Variants in SPOCK3 observed in about 807,000 individuals in gnomAD.
The protein encoded by SPOCK3 is SPARC (osteonectin), cwcv and kazal like domains proteoglycan 3.
SPOCK3 carries 30 observed loss-of-function variants against 56.6 expected under a neutral mutation model. The ratio of observed to expected loss-of-function variants is 0.53; its 90% CI spans 0.40 to 0.72. The LOEUF (loss-of-function observed/expected upper bound fraction) is 0.72. SPOCK3 is among the 30% of genes least tolerant of loss of function. The pLI is 0.00. For missense variants in SPOCK3, 527 were observed against 530.0 expected (o/e 0.99, Z 0.06); for synonymous variants, 196 against 183.3 (o/e 1.07, Z -0.56).
At chr4:167,182,557 TC>T (rs1157075496) in intron 2 of SPOCK3, among the ~76,000 whole-genome samples, 12 of 152,092 alleles carry the variant, frequency 7.9e-5, no homozygotes, top group Admixed American at 5.9e-4. Context: ...TTTTTTTTTT[TC>T]AAGACAAGTC....
rs141153699 is a variant in SPOCK3, at chr4:166,902,430, C to A, written c.474+10190G>T. Among the ~76,000 whole-genome samples, 368 of 152,098 alleles carry A rather than the reference C, an allele frequency of 2.4e-3. 2 individuals are homozygous for A. Among genetic ancestry groups the A allele is most frequent in the African/African-American group, 8.2e-3 (340 of 41,538 alleles). On this transcript the variant is annotated intron_variant, in intron 5 of 10. Transcript: ENST00000357545. The stretch of plus-strand genomic sequence containing the variant: ...GAAAGTTCTCAACTAAAATTCTCAA[C>A]TAAATTCTCTTCTAATATTTTCTCT...
intron 5 of SPOCK3, among the ~76,000 whole-genome samples, chr4:166,903,653 G>T (rs184439343): frequency 0.026 from 3,964 of 151,964 alleles, 159 homozygotes; most frequent in African/African-American, 0.08. Context: ...ATTGACAGGT[G>T]TTTTGTTTTT....
intron 6 of SPOCK3, among the ~76,000 whole-genome samples, chr4:166,875,966 G>A (rs999985286): frequency 5.8e-5 from 5 of 86,490 alleles, no homozygotes; most frequent in East Asian, 3.6e-4. Context: ...GCCCCCTCAA[G>A]TCACACAGAA....
At chr4:167,205,313 ATTTTATAT>A (rs1734009492) in intron 2 of SPOCK3, among the ~76,000 whole-genome samples, 1 of 50,162 alleles carries the variant, frequency 2.0e-5, no homozygotes. Flanking sequence ...TATATTATAT[ATTTTATAT>A]ATATAATATA....
chr4:167,053,815 G>C (rs13139476), intron 3 of SPOCK3, among the ~76,000 whole-genome samples: 3,806 of 152,222 alleles, frequency 0.025, 79 homozygotes, highest in Middle Eastern at 0.061. Context: ...TGAAACCACT[G>C]AGAAAAGACA....
chr4:166,768,908 G>T (rs567028437), intron 7 of SPOCK3, among the ~76,000 whole-genome samples: 1 of 151,988 alleles, frequency 6.6e-6, no homozygotes, highest in South Asian at 2.1e-4. Context: ...TTTTCTCCAA[G>T]CTTCTCTTCT....
intron 7 of SPOCK3, among the ~76,000 whole-genome samples, chr4:166,783,806 G>A (rs1740434639): frequency 6.6e-6 from 1 of 151,998 alleles, no homozygotes; most frequent in South Asian, 2.1e-4. Flanking sequence ...CACCTATTTT[G>A]CAAACATTCA....
chr4:166,955,320 A>G (rs1461136688), intron 4 of SPOCK3, among the ~76,000 whole-genome samples: 6 of 151,266 alleles, frequency 4.0e-5, no homozygotes, highest in African/African-American at 1.4e-4. Flanking sequence ...CTGCTATATT[A>G]CTAATTTGCC....
chr4:167,007,594 G>T (rs1579977513), intron 3 of SPOCK3, among the ~76,000 whole-genome samples: 1 of 152,084 alleles, frequency 6.6e-6, no homozygotes, highest in East Asian at 1.9e-4. Flanking sequence ...TGGCTGCAAA[G>T]AAGTCAGTCA....
Position 166,742,234 on chromosome 4 carries a change from C to CATCTATCTATCTATCT in SPOCK3, c.932-191_932-176dup, listed in dbSNP as rs3077121. Among the ~76,000 whole-genome samples, 49 of 121,960 alleles carry CATCTATCTATCTATCT rather than the reference C, an allele frequency of 4.0e-4. 1 individual carries two copies. The highest frequency in any genetic ancestry group is 1.9e-3 in the East Asian group (9 of 4,828). 80.0% of individuals were successfully genotyped at this position (121,960 alleles called of 152,430 possible). On this transcript the variant is annotated intron_variant, in intron 8 of 10. Transcript: ENST00000357545. ...TAGGTACATACATGTGTCTATCTAT[C>CATCTATCTATCTATCT]ATCTATCTATCTATCTATCTATCTA... is the stretch of plus-strand genomic sequence containing the variant.
intron 3 of SPOCK3, among the ~76,000 whole-genome samples, chr4:167,045,006 G>A (rs1218485628): frequency 6.6e-6 from 1 of 152,056 alleles, no homozygotes; most frequent in East Asian, 1.9e-4. Flanking sequence ...TTCTAGTGGA[G>A]GGATGTTGTC....
chr4:166,976,360 A>C (rs936767657), intron 4 of SPOCK3, among the ~76,000 whole-genome samples: 2 of 152,178 alleles, frequency 1.3e-5, no homozygotes, highest in Non-Finnish European at 2.9e-5. Context: ...CTCCCACCTG[A>C]ATAACTGCAA....
chr4:167,033,392 C>T (rs1420674079), intron 3 of SPOCK3, among the ~76,000 whole-genome samples: 1 of 146,536 alleles, frequency 6.8e-6, no homozygotes, highest in Admixed American at 6.8e-5. Flanking sequence ...AGCAATTATT[C>T]ATTATTATTA....
intron 4 of SPOCK3, among the ~76,000 whole-genome samples, chr4:166,953,756 C>G (rs4446345): frequency 6.6e-6 from 1 of 151,894 alleles, no homozygotes; most frequent in Admixed American, 6.6e-5. Flanking sequence ...TATGCAGCCA[C>G]AAAAAATGAT....
chr4:166,874,777 T>G (rs72988070), intron 6 of SPOCK3, among the ~76,000 whole-genome samples: 2,382 of 152,274 alleles, frequency 0.016, 79 homozygotes, highest in African/African-American at 0.054. Context: ...ATATGCAAAA[T>G]GACAGAAATT....
chr4:166,744,860 T>C (rs1046523946), intron 8 of SPOCK3, among the ~76,000 whole-genome samples: 2 of 151,918 alleles, frequency 1.3e-5, no homozygotes, highest in East Asian at 1.9e-4. Flanking sequence ...TAGTAGCCGA[T>C]TCGATCAAGT....
At chr4:166,782,323 T>G (rs1740270533) in intron 7 of SPOCK3, among the ~76,000 whole-genome samples, 1 of 152,186 alleles carries the variant, frequency 6.6e-6, no homozygotes, top group Non-Finnish European at 1.5e-5. Flanking sequence ...GTCTTCAGAA[T>G]ACCTGAGAAA....
At chr4:167,139,083 C>T (rs1183100135) in intron 2 of SPOCK3, among the ~76,000 whole-genome samples, 1 of 151,926 alleles carries the variant, frequency 6.6e-6, no homozygotes, top group Non-Finnish European at 1.5e-5. Flanking sequence ...GGTTACTTTT[C>T]TCTGTGATAT....
chr4:166,877,006 T>C (rs1039549206), intron 6 of SPOCK3, among the ~76,000 whole-genome samples: 1 of 152,168 alleles, frequency 6.6e-6, no homozygotes, highest in African/African-American at 2.4e-5. Context: ...ATATTGTCTC[T>C]AATTGATACA....
Sources: allele counts gnomAD v4.1 joint callset (sites outside exome capture counted in the v4.1 genomes callset), GRCh38; gene constraint gnomAD v4.1.1; transcripts MANE v1.5; gene names NCBI Gene and HGNC (gene_info 2026-07-23, HGNC 2026-07-21).